Variants in GFI1B observed in about 807,000 individuals in gnomAD.
GFI1B encodes zinc finger protein Gfi-1b.
Under a neutral mutation model 35.3 loss-of-function variants are expected in GFI1B, and 20 were observed. That is an observed-to-expected ratio of 0.57 (90% confidence interval 0.40 to 0.82). The LOEUF (loss-of-function observed/expected upper bound fraction) is 0.82. Ranked by LOEUF, GFI1B falls within the 40% of genes least tolerant of loss-of-function variation. The pLI is 0.00. For missense variants in GFI1B, 430 were observed against 446.3 expected (o/e 0.96, Z 0.33); for synonymous variants, 178 against 177.6 (o/e 1.00, Z -0.02).
At chr9:132,979,450 G>T (rs1037790172) in intron 1 of GFI1B, among the ~76,000 whole-genome samples, 1 of 151,886 alleles carries the variant, frequency 6.6e-6, no homozygotes, top group Non-Finnish European at 1.5e-5. Flanking sequence ...TGTTGGCCAG[G>T]CTGGTCTCGA....
At chr9:132,974,122 GGAGA>G (rs993685985), upstream of GFI1B, among the ~76,000 whole-genome samples, 1 of 151,490 alleles carries the variant, frequency 6.6e-6, no homozygotes, top group Non-Finnish European at 1.5e-5. Flanking sequence ...CCGAGATGAT[GGAGA>G]GAGAGTCATT....
chr9:132,977,566 A>G (rs3011260), upstream of GFI1B, among the ~76,000 whole-genome samples: 98,020 of 152,108 alleles, frequency 0.64, 31,672 homozygotes, highest in South Asian at 0.77. Flanking sequence ...GGAAGAGCAG[A>G]CAAAGCAGCC....
In GFI1B at chr9:132,988,188, T is replaced by C. The variant is rs148081644; in HGVS notation, c.239-9T>C. The C allele has an allele frequency of 1.2e-6, 2 of 1,612,894 alleles. No individual in the cohort carries two copies. The highest frequency in any genetic ancestry group is 1.1e-5 in the South Asian group (1 of 91,068). On this transcript the variant is annotated splice_polypyrimidine_tract_variant and intron_variant, in intron 3 of 6. Transcript: ENST00000372122. ...ATGAGTAACCAGGCCTGTGTCGTTA[T>C]CTCCACAGAGGGCCCCATTGTGCTG...
At chr9:132,968,791 T>C (rs557876386) in intron 1 of GFI1B, among the ~76,000 whole-genome samples, 16 of 152,300 alleles carry the variant, frequency 1.1e-4, no homozygotes, top group African/African-American at 3.8e-4. Flanking sequence ...TTTTTATCAA[T>C]TAATTGTTAT....
At chr9:132,964,395 G>A (rs1848416872) in intron 1 of GFI1B, among the ~76,000 whole-genome samples, 1 of 152,072 alleles carries the variant, frequency 6.6e-6, no homozygotes, top group Non-Finnish European at 1.5e-5. Context: ...CCCCTTCACT[G>A]TATACAAACA....
upstream of GFI1B, among the ~76,000 whole-genome samples, chr9:132,976,123 A>C (rs556874440): frequency 2.0e-5 from 3 of 152,312 alleles, no homozygotes; most frequent in East Asian, 5.8e-4. Flanking sequence ...CAGCAGTTGA[A>C]CTGCATGTGC....
chr9:132,989,146 A>T lies in GFI1B; in HGVS notation c.596A>T (p.Lys199Ile). ...TRPFACDICG[K>I]TFGHAVSLEQ... is the part of the protein sequence containing the mutation. ...CCCTTCGCCTGTGACATCTGCGGCA[A>T]AACCTTCGGCCACGCTGTGAGCCTG... The change falls in exon 5 of 7, where the codon AAA (lysine) becomes ATA (isoleucine). Residue 199 changes from lysine to isoleucine, a missense_variant. Coordinates refer to ENST00000372122, the MANE Select transcript of GFI1B (RefSeq NM_001377304.1). The surrounding 1 kb of genome is among the most constrained non-coding windows in gnomAD (Gnocchi z 6.2). 1 of 1,613,926 alleles carries T rather than the reference A, an allele frequency of 6.2e-7. No individual in the cohort carries two copies. Among genetic ancestry groups the T allele is most frequent in the Non-Finnish European group, 8.5e-7 (1 of 1,179,938 alleles).
intron 2 of GFI1B, 115 bp from the exon 3 acceptor site, chr9:132,987,167 G>C: frequency 8.7e-7 from 1 of 1,152,734 alleles, no homozygotes; most frequent in East Asian, 2.5e-5. Flanking sequence ...CAGAAGCAGC[G>C]GCACGTGGCT....
intron 1 of GFI1B, among the ~76,000 whole-genome samples, chr9:132,960,559 C>T (rs1049330681): frequency 1.3e-5 from 2 of 151,834 alleles, no homozygotes; most frequent in Non-Finnish European, 2.9e-5. Context: ...TACAGTGGTG[C>T]GATCATAGCT....
chr9:132,992,556 A>G (rs1344774788), downstream of GFI1B, among the ~76,000 whole-genome samples: 1 of 152,106 alleles, frequency 6.6e-6, no homozygotes, highest in African/African-American at 2.4e-5. Flanking sequence ...ACAAAGTGGC[A>G]TACAGGTCCA....
chr9:132,981,995 C>A (rs1291027532), intron 1 of GFI1B, among the ~76,000 whole-genome samples: 1 of 152,140 alleles, frequency 6.6e-6, no homozygotes, highest in Admixed American at 6.5e-5. Context: ...TCAGGTGATC[C>A]GCCTGCCTTG....
At chr9:132,949,358 C>A (rs75014424) in intron 1 of GFI1B, among the ~76,000 whole-genome samples, 7,607 of 151,758 alleles carry the variant, frequency 0.05, 337 homozygotes, top group East Asian at 0.18. Flanking sequence ...CACACACACA[C>A]CCCCAACCCC....
At chr9:132,972,543 T>A (rs916135703) in intron 1 of GFI1B, among the ~76,000 whole-genome samples, 5 of 152,150 alleles carry the variant, frequency 3.3e-5, no homozygotes, top group Non-Finnish European at 7.4e-5. Flanking sequence ...TGAGCCATGA[T>A]GGAGCCACTG....
At chr9:132,975,912 C>T (rs1375185622), upstream of GFI1B, among the ~76,000 whole-genome samples, 1 of 152,148 alleles carries the variant, frequency 6.6e-6, no homozygotes, top group African/African-American at 2.4e-5. Context: ...CTGTAAGGGC[C>T]TGGGTGAGGC....
chr9:132,946,269 C>A (rs756878492), intron 1 of GFI1B, among the ~76,000 whole-genome samples: 3 of 152,126 alleles, frequency 2.0e-5, no homozygotes, highest in African/African-American at 4.8e-5. Context: ...TAGGTTTCAG[C>A]CATCATGTTC....
intron 1 of GFI1B, among the ~76,000 whole-genome samples, chr9:132,964,308 CTA>C (rs1449406528): frequency 1.3e-5 from 2 of 152,128 alleles, no homozygotes; most frequent in African/African-American, 4.8e-5. Context: ...ACAATATACA[CTA>C]TCTGGTGATG....
intron 1 of GFI1B, chr9:132,946,903 G>A (rs7035308): frequency 0.22 from 32,795 of 152,388 alleles, 3,658 homozygotes; most frequent in African/African-American, 0.23. Flanking sequence ...AGAAGAATGG[G>A]CATTGTTACC....
chr9:132,966,998 A>G lies in GFI1B; in HGVS notation c.-700-5727A>G, dbSNP rs78583749. Among the ~76,000 whole-genome samples the G allele has an allele frequency of 4.4e-3, 675 of 152,342 alleles. 6 individuals are homozygous for G. Among genetic ancestry groups the G allele is most frequent in the African/African-American group, 0.015 (631 of 41,570 alleles). ...TGTCCTCTCCAAAACTCATTTTGAAATTAATTGTCATTGGGAAGGAATTAA... is the reference window on the plus strand; with the variant it reads ...TGTCCTCTCCAAAACTCATTTTGAAGTTAATTGTCATTGGGAAGGAATTAA... On this transcript the variant is annotated intron_variant, in intron 1 of 10. Coordinates refer to the GFI1B transcript ENST00000339463.
At chr9:132,955,965 C>T (rs1026925978) in intron 1 of GFI1B, among the ~76,000 whole-genome samples, 1 of 152,132 alleles carries the variant, frequency 6.6e-6, no homozygotes, top group African/African-American at 2.4e-5. Context: ...GGCAGAATTC[C>T]CTCTTGCTTG....
Sources: allele counts gnomAD v4.1 joint callset (sites outside exome capture counted in the v4.1 genomes callset), GRCh38; gene constraint gnomAD v4.1.1; non-coding constraint Gnocchi (gnomAD v3.1); transcripts MANE v1.5; gene names NCBI Gene and HGNC (gene_info 2026-07-23, HGNC 2026-07-21).